UACA: variants seen among roughly 807,000 people sequenced by gnomAD.
UACA encodes the protein nuclear membrane binding protein.
UACA carries 112 observed loss-of-function variants against 160.5 expected under a neutral mutation model. That is an observed-to-expected ratio of 0.70 (90% CI 0.60 to 0.82). The LOEUF is 0.82. Among genes scored for constraint, UACA ranks in the 40% least tolerant of loss-of-function variants. UACA has a pLI of 0.00. For synonymous variants in UACA, 557 were observed against 568.4 expected (o/e 0.98, Z 0.29); for missense variants, 1,574 against 1,614.6 (o/e 0.97, Z 0.43).
chr15:70,712,950 T>G (rs1898726228), intron 1 of UACA, among the ~76,000 whole-genome samples: 1 of 152,196 alleles, frequency 6.6e-6, no homozygotes, highest in South Asian at 2.1e-4. Flanking sequence ...TCTACTACTG[T>G]CAGGCATGGA....
chr15:70,691,171 A>C, intron 4 of UACA, 128 bp downstream of exon 4: 1 of 589,586 alleles, frequency 1.7e-6, no homozygotes, highest in Non-Finnish European at 2.8e-6. Flanking sequence ...TGATGGAAAA[A>C]ATATGTAAGC....
intron 7 of UACA, 72 bp from the exon 8 acceptor site, chr15:70,684,518 T>C (rs1194877834): frequency 1.4e-6 from 2 of 1,473,162 alleles, no homozygotes; most frequent in Non-Finnish European, 1.8e-6. Flanking sequence ...TTCTGCCCTA[T>C]TGTTGAACAC....
chr15:70,668,580 C>G lies in UACA; in HGVS notation c.2104G>C (p.Gly702Arg), dbSNP rs199892116. 4.1e-4 allele frequency: 665 copies of G among 1,612,842 alleles called. 1 individual carries two copies. The highest frequency in any genetic ancestry group is 5.4e-4 in the Non-Finnish European group (639 of 1,179,884). Residue 702 changes from glycine to arginine, a missense_variant, in exon 16 of 19, where the codon GGG becomes CGG. Physicochemically the swap from Gly to Arg is moderately radical, Grantham distance 125. Transcript: ENST00000322954. ...SRLEQKSGEL[G>R]KKITELTLKN... Reference sequence around the variant, plus strand: ...AATGTTAACTCAGTGATCTTCTTCCCAAGTTCTCCTGATTTCTGTTCTAAT... The same window carrying G: ...AATGTTAACTCAGTGATCTTCTTCCGAAGTTCTCCTGATTTCTGTTCTAAT...
chr15:70,722,199 T>C (rs1899013577), intron 1 of UACA, among the ~76,000 whole-genome samples: 1 of 152,200 alleles, frequency 6.6e-6, no homozygotes, highest in Non-Finnish European at 1.5e-5. Context: ...TTATATTTAC[T>C]ATAAATGTCA....
chr15:70,760,210 G>GTAAAT (rs1174424637), intron 1 of UACA, among the ~76,000 whole-genome samples: 3 of 151,990 alleles, frequency 2.0e-5, no homozygotes, highest in Non-Finnish European at 4.4e-5. Context: ...AGTATCTTAT[G>GTAAAT]TATCAAAGAC....
the UACA span, among the ~76,000 whole-genome samples, chr15:70,773,045 C>CA: frequency 2.6e-3 from 225 of 87,860 alleles, 1 homozygote; most frequent in Non-Finnish European, 3.1e-3. Flanking sequence ...GACTTCATCT[C>CA]AAAAAAAAAA....
upstream of UACA, among the ~76,000 whole-genome samples, chr15:70,767,276 C>CAAA (rs2031039026): frequency 2.9e-5 from 3 of 102,926 alleles, no homozygotes; most frequent in African/African-American, 1.6e-4. Context: ...AAAACAAAAA[C>CAAA]AACAACAATA....
chr15:70,736,654 T>A (rs951092877), intron 1 of UACA, among the ~76,000 whole-genome samples: 3 of 152,278 alleles, frequency 2.0e-5, no homozygotes, highest in African/African-American at 7.2e-5. Context: ...TTGGCCAGGC[T>A]GGTCTCGAAC....
At chr15:70,686,723 T>C (rs1208472322) in intron 7 of UACA, among the ~76,000 whole-genome samples, 1 of 151,920 alleles carries the variant, frequency 6.6e-6, no homozygotes, top group African/African-American at 2.4e-5. Flanking sequence ...CTACAAACAA[T>C]AGAATACATG....
At chr15:70,773,983 C>A in the UACA span, among the ~76,000 whole-genome samples, 1 of 152,256 alleles carries the variant, frequency 6.6e-6, no homozygotes, top group Non-Finnish European at 1.5e-5. Context: ...TGTTCCTAAG[C>A]TATAGAAGGA....
At chr15:70,763,221 C>G in intron 1 of UACA, 109 bp downstream of exon 1, 1 of 1,195,850 alleles carries the variant, frequency 8.4e-7, no homozygotes, top group Non-Finnish European at 1.1e-6. Context: ...CCGCCGAAGC[C>G]GAACTGGCAG....
chr15:70,718,865 C>T (rs898137039), intron 1 of UACA, among the ~76,000 whole-genome samples: 1 of 152,042 alleles, frequency 6.6e-6, no homozygotes, highest in Non-Finnish European at 1.5e-5. Context: ...GGAAAAATAG[C>T]AACCCACATA....
In UACA at chr15:70,668,490, G is replaced by A. The variant is rs1029042423; in HGVS notation, c.2194C>T (p.Gln732Ter). The A allele has an allele frequency of 1.9e-6, 3 of 1,611,416 alleles. No homozygotes were observed. The highest frequency in any genetic ancestry group is 2.5e-6 in the Non-Finnish European group (3 of 1,179,642). The change falls in exon 16 of 19, where the codon CAA becomes TAA. Residue 732 changes from glutamine (Q) to a stop codon, truncating the protein, a stop_gained. Coordinates refer to ENST00000322954, the MANE Select transcript of UACA (RefSeq NM_018003.4). LOFTEE classifies it high-confidence loss of function. ...VYLDNKLLKE[Q>*]AHNLTIEMKN... ...ATTTCAATTGTTAAGTTATGTGCTT[G>A]CTCCTTGAGGAGCTTATTATCCAAA...
chr15:70,747,173 C>T (rs1485620384), intron 1 of UACA, among the ~76,000 whole-genome samples: 1 of 151,144 alleles, frequency 6.6e-6, no homozygotes, highest in Non-Finnish European at 1.5e-5. Flanking sequence ...TTCCATCTCA[C>T]TTGTGCTGTA....
intron 1 of UACA, among the ~76,000 whole-genome samples, chr15:70,738,863 G>A (rs548272950): frequency 9.2e-5 from 14 of 152,276 alleles, no homozygotes; most frequent in Admixed American, 4.6e-4. Context: ...TAGTAATCTC[G>A]GCTGGTTCAT....
intron 4 of UACA, 24 bp from the exon 5 acceptor site, chr15:70,690,535 T>C (rs1299613515): frequency 1.3e-6 from 2 of 1,590,236 alleles, no homozygotes; most frequent in Non-Finnish European, 1.7e-6. Flanking sequence ...GAAAACTTAG[T>C]AAAGTAGGAG....
intron 17 of UACA, chr15:70,660,619 A>C (rs1896672260): frequency 6.3e-6 from 1 of 158,790 alleles, no homozygotes; most frequent in Non-Finnish European, 1.4e-5. Context: ...TGGCTCAAAA[A>C]CCTTGAGTGA....
intron 3 of UACA, among the ~76,000 whole-genome samples, chr15:70,694,809 C>T (rs772205296): frequency 1.1e-4 from 17 of 152,180 alleles, no homozygotes; most frequent in Admixed American, 3.3e-4. Context: ...TCCAACTGCT[C>T]GTCAGTAAAG....
At position 70,691,329 on chromosome 15, in the gene UACA, T is replaced by C. The variant is rs1038668421; in HGVS notation, c.336A>G (p.Gly112=). ...RNALHLAAKY[G]HALCLQKLLQ... ...GAAGTTTTTGTAGGCACAATGCATG[T>C]CCATACTTAGCAGCCAGGTGAAGAG... The change falls in exon 4 of 19, where the codon GGA becomes GGG. Residue 112 remains glycine, a synonymous_variant. Coordinates refer to ENST00000322954, the MANE Select transcript of UACA (RefSeq NM_018003.4). The C allele has an allele frequency of 6.2e-7, 1 of 1,609,798 alleles. No individual in the cohort carries two copies. The highest frequency in any genetic ancestry group is 8.5e-7 in the Non-Finnish European group (1 of 1,177,814).
Sources: gnomAD v4.1 joint callset for allele counts (sites outside exome capture counted in the v4.1 genomes callset) on GRCh38, gnomAD v4.1.1 for gene constraint, MANE v1.5 for transcripts, NCBI Gene and HGNC (gene_info 2026-07-23, HGNC 2026-07-21) for gene names.